DLGAP1: variants seen among roughly 807,000 people sequenced by gnomAD.
DLGAP1 encodes DLG associated protein 1, also known as disks large-associated protein 1.
A neutral mutation model predicts 90.8 loss-of-function variants in DLGAP1; 11 were observed. The observed-to-expected ratio is 0.12, with a 90% confidence interval of 0.08 to 0.20. The LOEUF is 0.20. Ranked by LOEUF, DLGAP1 falls within the 10% of genes least tolerant of loss-of-function variation. The probability of loss-of-function intolerance (pLI) is 1.00; values close to 1 mark genes in which losing one functional copy is unlikely to be tolerated. For missense variants in DLGAP1, 1,050 were observed against 1,333.8 expected, an observed-to-expected ratio of 0.79 and a Z score of 3.31; for synonymous variants, 558 against 540.7, an observed-to-expected ratio of 1.03 and a Z score of -0.44.
At chr18:3,650,428 AC>A (rs1027632718) in intron 7 of DLGAP1, among the ~76,000 whole-genome samples, 10 of 152,110 alleles carry the variant, frequency 6.6e-5, no homozygotes, top group Admixed American at 2.0e-4. Flanking sequence ...GTTCAACACT[AC>A]CCTGGGCAAC....
At chr18:3,790,417 A>C (rs1387145758) in intron 5 of DLGAP1, among the ~76,000 whole-genome samples, 1 of 151,852 alleles carries the variant, frequency 6.6e-6, no homozygotes. Flanking sequence ...ACAGGTGTGC[A>C]TCACCATGAC....
intron 9 of DLGAP1, among the ~76,000 whole-genome samples, chr18:3,564,922 G>C (rs1376079277): frequency 1.3e-5 from 2 of 152,144 alleles, no homozygotes; most frequent in East Asian, 3.8e-4. Context: ...TTGCTAAGAT[G>C]GAGTGGTGAC....
intron 3 of DLGAP1, among the ~76,000 whole-genome samples, chr18:4,000,679 G>A (rs963837174): frequency 2.6e-5 from 4 of 152,106 alleles, no homozygotes; most frequent in African/African-American, 7.2e-5. Context: ...AATGTTGCTG[G>A]TTATAAAATC....
At chr18:4,059,160 A>G (rs1023280559) in intron 2 of DLGAP1, among the ~76,000 whole-genome samples, 2 of 152,234 alleles carry the variant, frequency 1.3e-5, no homozygotes, top group African/African-American at 4.8e-5. Context: ...TTGTGGCAAG[A>G]TGGGACCAAG....
intron 1 of DLGAP1, among the ~76,000 whole-genome samples, chr18:4,338,303 G>C (rs1387355375): frequency 1.3e-5 from 2 of 152,202 alleles, no homozygotes; most frequent in Non-Finnish European, 1.5e-5. Context: ...GTAGAAAATT[G>C]TTGTCAGTTT....
chr18:3,743,411 GT>G (rs1207714174), intron 5 of DLGAP1, among the ~76,000 whole-genome samples: 14 of 151,684 alleles, frequency 9.2e-5, no homozygotes, highest in Non-Finnish European at 8.8e-5. Context: ...CTGGAGTGCA[GT>G]GGCGCAACTT....
intron 3 of DLGAP1, among the ~76,000 whole-genome samples, chr18:3,931,975 C>T (rs1248268901): frequency 3.9e-5 from 6 of 152,228 alleles, no homozygotes; most frequent in East Asian, 1.9e-4. Flanking sequence ...GCTGTGCACC[C>T]TTGGTTTCTC....
chr18:4,348,960 G>GT (rs1182463659), intron 1 of DLGAP1, among the ~76,000 whole-genome samples: 5 of 152,148 alleles, frequency 3.3e-5, no homozygotes, highest in African/African-American at 9.7e-5. Context: ...AAACACAGTG[G>GT]TAAGAATCAT....
At chr18:4,189,801 T>TA (rs1427512717) in intron 1 of DLGAP1, among the ~76,000 whole-genome samples, 1 of 152,022 alleles carries the variant, frequency 6.6e-6, no homozygotes, top group African/African-American at 2.4e-5. Context: ...CCCAGAAACT[T>TA]ACCCACACAA....
chr18:4,090,851 A>C (rs1360641851), intron 2 of DLGAP1, among the ~76,000 whole-genome samples: 2 of 152,226 alleles, frequency 1.3e-5, no homozygotes, highest in African/African-American at 4.8e-5. Context: ...CCAAATGTCC[A>C]TCAACGATAG....
At chr18:3,752,636 C>G (rs966724259) in intron 5 of DLGAP1, among the ~76,000 whole-genome samples, 20 of 146,272 alleles carry the variant, frequency 1.4e-4, no homozygotes, top group Admixed American at 9.0e-4. Flanking sequence ...CTCCCCACCC[C>G]CCTCTCTCTC....
At chr18:3,551,605 CTTTCTTTCTTTCTT>C (rs1262503060) in intron 9 of DLGAP1, among the ~76,000 whole-genome samples, 1 of 42,566 alleles carries the variant, frequency 2.3e-5, no homozygotes, top group Non-Finnish European at 6.7e-5. Flanking sequence ...TTTTCTTTTT[CTTTCTTTCTTTCTT>C]TTTCTTTCTT....
chr18:4,436,549 T>G lies in DLGAP1; in HGVS notation c.-267+18457A>C, dbSNP rs1598418696. Reference sequence around the variant, plus strand: ...AAATGGACACTAAAATCATAGGACATGCTTTATAAACACATTCATGCCTGA... The same window carrying G: ...AAATGGACACTAAAATCATAGGACAGGCTTTATAAACACATTCATGCCTGA... On this transcript the variant is annotated intron_variant, in intron 1 of 12. Transcript: ENST00000315677. Among the ~76,000 whole-genome samples the G allele has an allele frequency of 3.3e-5, 5 of 152,176 alleles. 1 individual carries two copies. Among genetic ancestry groups the G allele is most frequent in the Admixed American group, 3.3e-4 (5 of 15,278 alleles).
chr18:3,650,280 G>T (rs2146430379), intron 7 of DLGAP1, among the ~76,000 whole-genome samples: 1 of 152,256 alleles, frequency 6.6e-6, no homozygotes, highest in Non-Finnish European at 1.5e-5. Flanking sequence ...CTGACCTCAA[G>T]TGATGCTCCT....
intron 9 of DLGAP1, among the ~76,000 whole-genome samples, chr18:3,551,681 C>CCCT (rs2053453292): frequency 3.7e-4 from 2 of 5,370 alleles, no homozygotes; most frequent in African/African-American, 1.3e-3. Context: ...TCTTTTCCCT[C>CCCT]CCCTCCCTCC....
At chr18:3,764,614 C>A (rs981575268) in intron 5 of DLGAP1, among the ~76,000 whole-genome samples, 2 of 152,198 alleles carry the variant, frequency 1.3e-5, no homozygotes, top group African/African-American at 4.8e-5. Context: ...GAAATCATCC[C>A]AAACCATCAA....
chr18:4,170,516 G>A (rs1008357330), intron 1 of DLGAP1, among the ~76,000 whole-genome samples: 1 of 151,944 alleles, frequency 6.6e-6, no homozygotes, highest in African/African-American at 2.4e-5. Flanking sequence ...AGTAGGGCCT[G>A]AAAAAAATAA....
chr18:3,511,489 GAAGA>G (rs1338342273), intron 10 of DLGAP1, among the ~76,000 whole-genome samples: 1 of 150,458 alleles, frequency 6.6e-6, no homozygotes, highest in Non-Finnish European at 1.5e-5. Context: ...ATGAAATGAA[GAAGA>G]AAGAAGCATC....
chr18:3,819,975 A>G lies in DLGAP1; in HGVS notation c.958-5702T>C, dbSNP rs192607986. On this transcript the variant is annotated intron_variant, in intron 4 of 12. Coordinates refer to ENST00000315677, the MANE Select transcript of DLGAP1 (RefSeq NM_004746.4). ...TACTCTATCAGATGTAGGAACGCTT[A>G]GTTTTAAAAGTCTCTCCCCAAGGGC... Among the ~76,000 whole-genome samples the G allele has an allele frequency of 2.8e-3, 434 of 152,358 alleles. 2 individuals are homozygous for G. The highest frequency in any genetic ancestry group is 5.1e-3 in the Non-Finnish European group (349 of 68,042).
Sources: gnomAD v4.1 joint callset for allele counts (sites outside exome capture counted in the v4.1 genomes callset) on GRCh38, gnomAD v4.1.1 for gene constraint, MANE v1.5 for transcripts, NCBI Gene and HGNC (gene_info 2026-07-23, HGNC 2026-07-21) for gene names.